TMEM132D: variants seen among roughly 807,000 people sequenced by gnomAD.
The protein encoded by TMEM132D is transmembrane protein 132D.
A neutral mutation model predicts 62.3 loss-of-function variants in TMEM132D; 21 were observed. The ratio of observed to expected loss-of-function variants is 0.34; its 90% CI spans 0.24 to 0.49. The LOEUF is 0.49. Among genes scored for constraint, TMEM132D ranks in the 20% least tolerant of loss-of-function variants. TMEM132D has a pLI of 0.99. For synonymous variants in TMEM132D, 621 were observed against 575.6 expected (o/e 1.08, Z -1.13); for missense variants, 1,346 against 1,402.8 (o/e 0.96, Z 0.65).
At chr12:129,526,429 C>T (rs1325416839) in intron 3 of TMEM132D, among the ~76,000 whole-genome samples, 3 of 152,114 alleles carry the variant, frequency 2.0e-5, no homozygotes, top group Non-Finnish European at 4.4e-5. Context: ...GGATTACAGG[C>T]ATGCACCACC....
intron 2 of TMEM132D, among the ~76,000 whole-genome samples, chr12:129,656,783 A>C (rs1329313498): frequency 6.6e-6 from 1 of 152,188 alleles, no homozygotes; most frequent in Non-Finnish European, 1.5e-5. Context: ...TTAATAGTTA[A>C]TCACTTATAA....
rs143794058 is a variant in TMEM132D at position 129,289,270 on chromosome 12, G to A, written c.1299+48364C>T. On this transcript the variant is annotated intron_variant, in intron 4 of 8. Coordinates refer to ENST00000422113, the MANE Select transcript of TMEM132D (RefSeq NM_133448.3). Reference sequence around the variant, plus strand: ...CTAATTTTAACTGCCCTGGCCGGGCGCCATGGCTCACACCTGTAATCCCAG... The same window carrying A: ...CTAATTTTAACTGCCCTGGCCGGGCACCATGGCTCACACCTGTAATCCCAG... Among the ~76,000 whole-genome samples the A allele has an allele frequency of 9.5e-4, 144 of 152,238 alleles. 2 individuals carry two copies. The highest frequency in any genetic ancestry group is 1.1e-3 in the African/African-American group (47 of 41,548).
At chr12:129,701,721 A>T (rs1881390360) in intron 1 of TMEM132D, among the ~76,000 whole-genome samples, 1 of 152,188 alleles carries the variant, frequency 6.6e-6, no homozygotes, top group African/African-American at 2.4e-5. Context: ...AGAAATGTAA[A>T]CTATTGGCTG....
At chr12:129,815,247 CA>C (rs567247344) in intron 1 of TMEM132D, among the ~76,000 whole-genome samples, 7 of 150,854 alleles carry the variant, frequency 4.6e-5, no homozygotes, top group East Asian at 3.9e-4. Flanking sequence ...AGTTCTACCA[CA>C]AAAAAAAATC....
At chr12:129,179,983 G>A (rs1035769709) in intron 5 of TMEM132D, among the ~76,000 whole-genome samples, 4 of 151,498 alleles carry the variant, frequency 2.6e-5, no homozygotes, top group Admixed American at 6.6e-5. Flanking sequence ...AGCCAAGCTC[G>A]CATCACAGCA....
At chr12:129,735,149 A>G (rs533773155) in intron 1 of TMEM132D, among the ~76,000 whole-genome samples, 3 of 152,352 alleles carry the variant, frequency 2.0e-5, no homozygotes. Flanking sequence ...TTAATTACAG[A>G]GCAATGAGAA....
At position 129,589,766 on chromosome 12, in the gene TMEM132D, C is replaced by T. The variant is rs115335975; in HGVS notation, c.969-58561G>A. Among the ~76,000 whole-genome samples the T allele has an allele frequency of 3.3e-3, 496 of 152,220 alleles. 3 individuals are homozygous for T. Among genetic ancestry groups the T allele is most frequent in the African/African-American group, 0.011 (469 of 41,546 alleles). ...TCCCTCGGCGAGCAGACAGAGTTAT[C>T]GCAGCTCAACATAAAAACATTTATT... On this transcript the variant is annotated intron_variant, in intron 2 of 8. Coordinates refer to ENST00000422113, the MANE Select transcript of TMEM132D (RefSeq NM_133448.3).
At chr12:129,167,569 A>G (rs950242575) in intron 5 of TMEM132D, among the ~76,000 whole-genome samples, 13 of 152,120 alleles carry the variant, frequency 8.5e-5, no homozygotes, top group African/African-American at 3.1e-4. Flanking sequence ...TGGGGTCTCC[A>G]TAGGATGAAG....
chr12:129,653,765 C>T lies in TMEM132D; in HGVS notation c.968+46045G>A, dbSNP rs532669446. 2.0e-5 allele frequency among the ~76,000 whole-genome samples: 3 copies of T among 152,350 alleles called. No individual in the cohort carries two copies. The East Asian group carries it at 5.8e-4, about 29-fold the overall frequency. ...TAAGATAGCACAGAATGTTCCCACA[C>T]ACGCCACACAGCTTCCTCTTCTTTT... On this transcript the variant is annotated intron_variant, in intron 2 of 8. Coordinates refer to ENST00000422113, the MANE Select transcript of TMEM132D (RefSeq NM_133448.3).
At chr12:129,078,167 C>T (rs1268871354) in intron 8 of TMEM132D, among the ~76,000 whole-genome samples, 1 of 152,206 alleles carries the variant, frequency 6.6e-6, no homozygotes, top group African/African-American at 2.4e-5. Context: ...CTGCACGTGC[C>T]CTCATGCCCT....
At chr12:129,769,398 TCAC>T (rs1474697613) in intron 1 of TMEM132D, among the ~76,000 whole-genome samples, 4 of 152,274 alleles carry the variant, frequency 2.6e-5, no homozygotes, top group East Asian at 3.9e-4. Flanking sequence ...TGAGACTTAT[TCAC>T]CACCACAAGA....
chr12:129,829,367 A>G (rs73160246), intron 1 of TMEM132D, among the ~76,000 whole-genome samples: 10,849 of 152,178 alleles, frequency 0.071, 422 homozygotes, highest in East Asian at 0.11. Flanking sequence ...TTTAGGGATG[A>G]TGGCAATAAG....
At chr12:129,848,281 G>A (rs1294193498) in intron 1 of TMEM132D, among the ~76,000 whole-genome samples, 1 of 152,118 alleles carries the variant, frequency 6.6e-6, no homozygotes, top group Non-Finnish European at 1.5e-5. Context: ...TCACCACAGC[G>A]ATTCTGTAAA....
intron 1 of TMEM132D, among the ~76,000 whole-genome samples, chr12:129,780,306 C>A (rs962237440): frequency 1.4e-5 from 2 of 140,584 alleles, no homozygotes; most frequent in Admixed American, 1.4e-4. Flanking sequence ...ACACTCAGGG[C>A]TTTGGCTTAG....
At chr12:129,232,086 A>G (rs1316013036) in intron 4 of TMEM132D, among the ~76,000 whole-genome samples, 4 of 152,228 alleles carry the variant, frequency 2.6e-5, no homozygotes, top group Non-Finnish European at 4.4e-5. Flanking sequence ...CAACACTGGT[A>G]GTGGGTCTCA....
At chr12:129,630,542 T>C (rs748742583) in intron 2 of TMEM132D, among the ~76,000 whole-genome samples, 2 of 152,162 alleles carry the variant, frequency 1.3e-5, no homozygotes, top group African/African-American at 2.4e-5. Flanking sequence ...TTCAAAACAC[T>C]GAGAGCTAGC....
intron 2 of TMEM132D, among the ~76,000 whole-genome samples, chr12:129,654,751 T>C (rs1235986428): frequency 6.6e-6 from 1 of 152,172 alleles, no homozygotes; most frequent in East Asian, 1.9e-4. Context: ...TTAGGGCTTC[T>C]CCTTTTTACT....
chr12:129,095,275 G>A (rs1875065604), intron 5 of TMEM132D, among the ~76,000 whole-genome samples: 1 of 151,308 alleles, frequency 6.6e-6, no homozygotes, highest in Non-Finnish European at 1.5e-5. Context: ...TGGAGGCAGG[G>A]TCTTTATAGG....
chr12:129,411,144 CA>C lies in TMEM132D; in HGVS notation c.1116-73328del, dbSNP rs371324977. Among the ~76,000 whole-genome samples, 170 of 152,174 alleles carry C rather than the reference CA, an allele frequency of 1.1e-3. 2 individuals are homozygous for C. Among genetic ancestry groups the C allele is most frequent in the African/African-American group, 3.8e-3 (156 of 41,518 alleles). On this transcript the variant is annotated intron_variant, in intron 3 of 8. Transcript: ENST00000422113. ...TTTAATGTTTCCCATTGATTCCTGGCAATTTTCCAGGTACATAATTATGTCA... is the reference window on the plus strand; with the variant it reads ...TTTAATGTTTCCCATTGATTCCTGGCATTTTCCAGGTACATAATTATGTCA...
Sources: allele counts gnomAD v4.1 joint callset (sites outside exome capture counted in the v4.1 genomes callset), GRCh38; gene constraint gnomAD v4.1.1; transcripts MANE v1.5; gene names NCBI Gene and HGNC (gene_info 2026-07-23, HGNC 2026-07-21).